TTC28: variants seen among roughly 807,000 people sequenced by gnomAD.
TTC28 encodes the protein tetratricopeptide repeat domain 28.
TTC28 carries 61 observed loss-of-function variants against 198.0 expected under a neutral mutation model. The observed-to-expected ratio is 0.31, with a 90% CI of 0.25 to 0.38. TTC28 has a LOEUF of 0.38. TTC28 is among the 10% of genes least tolerant of loss of function. The pLI, the probability that TTC28 is intolerant of heterozygous loss-of-function variation, is 1.00. For missense variants in TTC28, 2,678 were observed against 3,164.0 expected (o/e 0.85, Z 3.69); for synonymous variants, 1,171 against 1,297.8 (o/e 0.90, Z 2.10).
intron 2 of TTC28, among the ~76,000 whole-genome samples, chr22:28,370,516 T>C (rs1601701791): frequency 6.6e-6 from 1 of 152,344 alleles, no homozygotes; most frequent in East Asian, 1.9e-4. Flanking sequence ...ATTCTATATC[T>C]TGTCCAATCT....
In TTC28 at chr22:27,985,677, A is replaced by AT. The variant is rs200262188; in HGVS notation, c.5708-322dup. ...GGCTCACTCACATGTTTTCTTTTCC[A>AT]TTTTTTTTTCACAGAAGTACAGTCT... is the stretch of plus-strand genomic sequence containing the variant. On this transcript the variant is annotated intron_variant, in intron 21 of 22. Coordinates refer to ENST00000397906, the MANE Select transcript of TTC28 (RefSeq NM_001145418.2). 8.5e-3 allele frequency: 1,848 copies of AT among 217,306 alleles called. 29 individuals carry two copies. Among genetic ancestry groups the AT allele is most frequent in the African/African-American group, 0.034 (1,494 of 44,562 alleles). The allele number at this position is 217,306 out of a possible 1,614,324, so 13.5% of individuals were successfully genotyped here. A position where few individuals can be genotyped will look rare whatever the true frequency, so the allele number is the denominator to read the frequency against.
chr22:28,227,742 A>T (rs1398906812), intron 5 of TTC28, among the ~76,000 whole-genome samples: 1 of 152,178 alleles, frequency 6.6e-6, no homozygotes, highest in East Asian at 1.9e-4. Flanking sequence ...ATATAGAGAA[A>T]TTGGAACCCT....
At chr22:28,219,034 T>C (rs1175737305) in intron 5 of TTC28, among the ~76,000 whole-genome samples, 1 of 151,940 alleles carries the variant, frequency 6.6e-6, no homozygotes, top group Non-Finnish European at 1.5e-5. Flanking sequence ...CCTGAAAGGA[T>C]CTCAGGAACC....
At chr22:28,660,860 A>G (rs2051731683) in intron 1 of TTC28, among the ~76,000 whole-genome samples, 1 of 149,072 alleles carries the variant, frequency 6.7e-6, no homozygotes, top group African/African-American at 2.5e-5. Context: ...GTTTCACCAT[A>G]TTGGCCAGAA....
Position 28,267,095 on chromosome 22 carries a change from A to G in TTC28, c.933+29103T>C, listed in dbSNP as rs189912073. Among the ~76,000 whole-genome samples the G allele has an allele frequency of 1.1e-4, 17 of 152,302 alleles. No homozygotes were observed. The East Asian group carries it at 3.3e-3, about 29-fold the overall frequency. On this transcript the variant is annotated intron_variant, in intron 5 of 22. Coordinates refer to ENST00000397906, the MANE Select transcript of TTC28 (RefSeq NM_001145418.2). ...ATTGCTAGGATTATATTCACTTGAG[A>G]AAACTGAGTAACAGTTGATCTCTAG...
chr22:28,147,015 T>A (rs981392093), intron 6 of TTC28, among the ~76,000 whole-genome samples: 1 of 152,182 alleles, frequency 6.6e-6, no homozygotes, highest in Non-Finnish European at 1.5e-5. Flanking sequence ...AGGACCACTT[T>A]CAGAAATCTG....
chr22:28,392,719 C>T (rs943729303), intron 2 of TTC28, among the ~76,000 whole-genome samples: 17 of 152,124 alleles, frequency 1.1e-4, no homozygotes, highest in Non-Finnish European at 2.4e-4. Flanking sequence ...GGTGCGCGCA[C>T]CCACTGACCT....
At chr22:28,676,756 C>T (rs1427281941) in intron 1 of TTC28, among the ~76,000 whole-genome samples, 1 of 150,598 alleles carries the variant, frequency 6.6e-6, no homozygotes, top group East Asian at 2.0e-4. Flanking sequence ...TGGTGGCTCA[C>T]AGTTGTGCTT....
intron 2 of TTC28, among the ~76,000 whole-genome samples, chr22:28,344,439 T>G (rs2045877098): frequency 6.6e-6 from 1 of 152,050 alleles, no homozygotes; most frequent in East Asian, 1.9e-4. Flanking sequence ...ACCATGACAC[T>G]GACACCACTA....
chr22:28,535,038 T>C (rs1569006595), intron 2 of TTC28, among the ~76,000 whole-genome samples: 1 of 151,836 alleles, frequency 6.6e-6, no homozygotes, highest in Non-Finnish European at 1.5e-5. Context: ...TACACATGTG[T>C]ACACCCTAGA....
At chr22:28,609,687 G>GT (rs374988434) in intron 2 of TTC28, among the ~76,000 whole-genome samples, 2,672 of 147,214 alleles carry the variant, frequency 0.018, 103 homozygotes, top group African/African-American at 0.062. Flanking sequence ...GAGTTTGTTT[G>GT]TTTTTTTTTT....
Position 28,629,702 on chromosome 22 carries a change from A to T in TTC28, c.231T>A (p.Ala77=). Residue 77 remains alanine, a synonymous_variant, in exon 2 of 23, where the codon GCT becomes GCA. Transcript: ENST00000397906. Reference sequence around the variant, plus strand: ...CCAGGGCTTCATTATACAGAACAATAGCTGTGTGGAAATCTCCATCATGAC... The same window carrying T: ...CCAGGGCTTCATTATACAGAACAATTGCTGTGTGGAAATCTCCATCATGAC... ...QACHDGDFHT[A]IVLYNEALAV... 6.4e-7 allele frequency: 1 copy of T among 1,551,732 alleles called. No homozygotes were observed. Among genetic ancestry groups the T allele is most frequent in the Non-Finnish European group, 8.7e-7 (1 of 1,147,004 alleles).
At chr22:28,542,224 G>C (rs2049428199) in intron 2 of TTC28, among the ~76,000 whole-genome samples, 2 of 152,020 alleles carry the variant, frequency 1.3e-5, no homozygotes, top group Non-Finnish European at 2.9e-5. Context: ...TAGATATGCA[G>C]AAGATCACTA....
intron 2 of TTC28, among the ~76,000 whole-genome samples, chr22:28,543,091 T>C (rs1252811338): frequency 6.6e-6 from 1 of 152,180 alleles, no homozygotes; most frequent in Non-Finnish European, 1.5e-5. Flanking sequence ...TCCCAGCACT[T>C]TGGGAGGCCA....
At chr22:28,463,950 A>G (rs188715438) in intron 2 of TTC28, among the ~76,000 whole-genome samples, 4 of 152,042 alleles carry the variant, frequency 2.6e-5, no homozygotes, top group Non-Finnish European at 5.9e-5. Context: ...AAATTAAAAT[A>G]AAAGAAATTG....
chr22:28,011,322 A>G (rs1000458907), intron 14 of TTC28, among the ~76,000 whole-genome samples: 2 of 152,228 alleles, frequency 1.3e-5, no homozygotes, highest in African/African-American at 4.8e-5. Context: ...TTCGCTGGGC[A>G]TGGTGGTTCA....
chr22:28,303,710 C>A (rs1376902212), intron 3 of TTC28: 1 of 152,434 alleles, frequency 6.6e-6, no homozygotes, highest in Non-Finnish European at 1.5e-5. Flanking sequence ...CTTATACAAG[C>A]ACCAGGACCA....
At chr22:28,100,765 G>C (rs1942119698) in intron 9 of TTC28, among the ~76,000 whole-genome samples, 1 of 152,188 alleles carries the variant, frequency 6.6e-6, no homozygotes, top group East Asian at 1.9e-4. Context: ...CATGACAAGG[G>C]ACTTTCCTTC....
At chr22:28,469,170 A>T (rs928093421) in intron 2 of TTC28, among the ~76,000 whole-genome samples, 22 of 152,132 alleles carry the variant, frequency 1.4e-4, no homozygotes, top group African/African-American at 5.1e-4. Context: ...GCTTCAGACT[A>T]CCTCTTGTGG....
Sources: gnomAD v4.1 joint callset for allele counts (sites outside exome capture counted in the v4.1 genomes callset) on GRCh38, gnomAD v4.1.1 for gene constraint, MANE v1.5 for transcripts, NCBI Gene and HGNC (gene_info 2026-07-23, HGNC 2026-07-21) for gene names.